Variants in GRIP1 observed in about 807,000 individuals in gnomAD.
The protein encoded by GRIP1 is glutamate receptor-interacting protein 1.
GRIP1 carries 45 observed loss-of-function variants against 129.9 expected under a neutral mutation model. The observed-to-expected ratio is 0.35, with a 90% CI of 0.27 to 0.44. The LOEUF (loss-of-function observed/expected upper bound fraction) is 0.44. GRIP1 is among the 20% of genes least tolerant of loss of function. The pLI is 1.00. For missense variants in GRIP1, 1,196 were observed against 1,396.8 expected (o/e 0.86, Z 2.29); for synonymous variants, 530 against 520.8 (o/e 1.02, Z -0.24).
chr12:66,637,526 G>T (rs2031512774), intron 1 of GRIP1, among the ~76,000 whole-genome samples: 1 of 151,348 alleles, frequency 6.6e-6, no homozygotes, highest in African/African-American at 2.4e-5. Flanking sequence ...TCTTGGTCCA[G>T]AAATTTTTGT....
chr12:66,879,627 G>C (rs2040440480), intron 1 of GRIP1, among the ~76,000 whole-genome samples: 1 of 152,056 alleles, frequency 6.6e-6, no homozygotes, highest in Non-Finnish European at 1.5e-5. Flanking sequence ...GCAAAGGAGG[G>C]AAGACAAAGA....
intron 4 of GRIP1, among the ~76,000 whole-genome samples, chr12:66,532,902 T>C (rs1380438787): frequency 6.6e-6 from 1 of 152,178 alleles, no homozygotes; most frequent in African/African-American, 2.4e-5. Context: ...AGAAAGGTCA[T>C]GTGAGTTAGC....
At chr12:66,525,711 T>C (rs1223144965) in intron 5 of GRIP1, among the ~76,000 whole-genome samples, 3 of 152,016 alleles carry the variant, frequency 2.0e-5, no homozygotes, top group Non-Finnish European at 2.9e-5. Flanking sequence ...AAATAAAGGG[T>C]ATTCAATTAG....
chr12:66,348,751 G>A lies in GRIP1; in HGVS notation c.*268C>T. ...TAAAAAATTTCCTCTGATGTTAATT[G>A]TAGAGTTGTGGGGGACGGCCTATTT... On this transcript the variant is annotated 3_prime_UTR_variant, in exon 25 of 25. Transcript: ENST00000359742. The A allele has an allele frequency of 2.1e-6, 1 of 465,576 alleles. No homozygotes were observed. Among genetic ancestry groups the A allele is most frequent in the East Asian group, 3.6e-5 (1 of 28,034 alleles). The allele number at this position is 465,576 out of a possible 1,614,324, so 28.8% of individuals were successfully genotyped here. A position where few individuals can be genotyped will look rare whatever the true frequency, so the allele number is the denominator to read the frequency against.
intron 1 of GRIP1, among the ~76,000 whole-genome samples, chr12:66,969,127 C>T (rs867947654): frequency 3.3e-5 from 5 of 152,202 alleles, no homozygotes; most frequent in Middle Eastern, 3.4e-3. Flanking sequence ...TCCCCACAAC[C>T]CCAGGGCTTC....
upstream of GRIP1, among the ~76,000 whole-genome samples, chr12:66,807,652 C>T (rs1033853581): frequency 5.9e-5 from 9 of 151,622 alleles, no homozygotes; most frequent in African/African-American, 1.9e-4. Flanking sequence ...CCAGCCTGGG[C>T]GATGGAGTAA....
intron 1 of GRIP1, among the ~76,000 whole-genome samples, chr12:66,831,928 T>C (rs1166877460): frequency 6.6e-6 from 1 of 152,222 alleles, no homozygotes; most frequent in African/African-American, 2.4e-5. Context: ...TTTATTTTAG[T>C]ACGTGTTTGT....
At chr12:66,993,548 T>A (rs1337896668) in intron 1 of GRIP1, among the ~76,000 whole-genome samples, 1 of 151,954 alleles carries the variant, frequency 6.6e-6, no homozygotes, top group Non-Finnish European at 1.5e-5. Context: ...CCCAGCACTT[T>A]AGGAGGCCGA....
chr12:66,876,866 C>T (rs1252273), intron 1 of GRIP1, among the ~76,000 whole-genome samples: 69,333 of 151,942 alleles, frequency 0.46, 16,960 homozygotes, highest in Middle Eastern at 0.65. Context: ...GCATGATTTA[C>T]CAGATGTTCC....
intron 1 of GRIP1, among the ~76,000 whole-genome samples, chr12:66,762,664 C>A (rs1006030452): frequency 6.6e-6 from 1 of 152,154 alleles, no homozygotes; most frequent in African/African-American, 2.4e-5. Flanking sequence ...TCTGTACAAG[C>A]CACTGTGCTT....
In GRIP1 at chr12:66,774,556, G is replaced by A. The variant is rs190328513; in HGVS notation, c.-420+29497C>T. Among the ~76,000 whole-genome samples the A allele has an allele frequency of 2.6e-3, 392 of 152,298 alleles. 1 individual carries two copies. Among genetic ancestry groups the A allele is most frequent in the Non-Finnish European group, 4.5e-3 (304 of 68,024 alleles). Reference sequence around the variant, plus strand: ...TAATATGCACAGGCCTAAGCAAGTGGGGAGGTGTAGACTTAACTTTGGAGC... The same window carrying A: ...TAATATGCACAGGCCTAAGCAAGTGAGGAGGTGTAGACTTAACTTTGGAGC... On this transcript the variant is annotated intron_variant, in intron 1 of 4. Transcript: ENST00000538373.
intron 7 of GRIP1, among the ~76,000 whole-genome samples, chr12:66,515,298 A>G (rs1664168158): frequency 6.6e-6 from 1 of 152,094 alleles, no homozygotes; most frequent in South Asian, 2.1e-4. Flanking sequence ...TCCTTAAGTT[A>G]ATAATACTAT....
intron 1 of GRIP1, among the ~76,000 whole-genome samples, chr12:66,950,229 T>A (rs1315610710): frequency 6.6e-6 from 1 of 152,150 alleles, no homozygotes; most frequent in African/African-American, 2.4e-5. Context: ...GATACAAAAA[T>A]AAAGGGAATT....
chr12:66,983,750 G>A lies in GRIP1; in HGVS notation c.58+85300C>T, dbSNP rs558411701. Among the ~76,000 whole-genome samples, 105 of 152,164 alleles carry A rather than the reference G, an allele frequency of 6.9e-4. 1 individual carries two copies. The highest frequency in any genetic ancestry group is 1.2e-3 in the Non-Finnish European group (79 of 68,032). On this transcript the variant is annotated intron_variant, in intron 1 of 1. Transcript: ENST00000643019. ...TTTTATGCATACACTTCATCAGCCA[G>A]TATCATCTGTGTAACCTACAGGGTA...
intron 17 of GRIP1, 46 bp downstream of exon 17, chr12:66,394,162 G>A: frequency 6.4e-7 from 1 of 1,565,386 alleles, no homozygotes; most frequent in East Asian, 2.2e-5. Context: ...GAGGAAGGAA[G>A]CCCGTCTCAG....
At chr12:66,389,779 G>T (rs1388700523) in intron 19 of GRIP1, among the ~76,000 whole-genome samples, 1 of 152,154 alleles carries the variant, frequency 6.6e-6, no homozygotes, top group African/African-American at 2.4e-5. Flanking sequence ...TCGGGCTGTT[G>T]TGTGATTTTC....
chr12:67,048,238 C>T (rs2043285252), intron 1 of GRIP1, among the ~76,000 whole-genome samples: 1 of 151,826 alleles, frequency 6.6e-6, no homozygotes, highest in South Asian at 2.1e-4. Context: ...ATCACACACA[C>T]ACACACAAAC....
At chr12:66,509,295 G>T (rs2060625139) in intron 7 of GRIP1, among the ~76,000 whole-genome samples, 1 of 152,138 alleles carries the variant, frequency 6.6e-6, no homozygotes, top group Non-Finnish European at 1.5e-5. Context: ...CTAACAGTTT[G>T]GTTAAGGCGA....
rs533397362 is a variant in GRIP1, at chr12:66,912,679, C to A, written c.58+156371G>T. Among the ~76,000 whole-genome samples the A allele has an allele frequency of 3.9e-5, 6 of 152,022 alleles. No homozygotes were observed. In the South Asian group the frequency reaches 1.2e-3, roughly 32 times the overall value. ...TGCAATAGAAGACTGAAAAAATAAT[C>A]CTAACAATGTTATGTATTACATATA... On this transcript the variant is annotated intron_variant, in intron 1 of 1. Coordinates refer to the GRIP1 transcript ENST00000643019.
Sources: allele counts gnomAD v4.1 joint callset (sites outside exome capture counted in the v4.1 genomes callset), GRCh38; gene constraint gnomAD v4.1.1; transcripts MANE v1.5; gene names NCBI Gene and HGNC (gene_info 2026-07-23, HGNC 2026-07-21).